OSBPL2: variants seen among roughly 807,000 people sequenced by gnomAD.
OSBPL2 encodes oxysterol binding protein like 2, also known as oxysterol-binding protein-related protein 2.
OSBPL2 carries 18 observed loss-of-function variants against 58.4 expected under a neutral mutation model. The ratio of observed to expected loss-of-function variants is 0.31; its 90% CI spans 0.21 to 0.46. The LOEUF is 0.46. Among genes scored for constraint, OSBPL2 ranks in the 20% least tolerant of loss-of-function variants. The pLI is 1.00. For synonymous variants in OSBPL2, 221 were observed against 234.1 expected (o/e 0.94, Z 0.51); for missense variants, 461 against 616.5 (o/e 0.75, Z 2.67).
intron 2 of OSBPL2, among the ~76,000 whole-genome samples, chr20:62,256,734 A>G (rs545772588): frequency 6.6e-6 from 1 of 152,372 alleles, no homozygotes; most frequent in East Asian, 1.9e-4. Flanking sequence ...CACTCAAAAA[A>G]AGAAGAAAAT....
chr20:62,287,807 T>G (rs1290727383), intron 11 of OSBPL2, among the ~76,000 whole-genome samples: 1 of 152,202 alleles, frequency 6.6e-6, no homozygotes, highest in Non-Finnish European at 1.5e-5. Flanking sequence ...TTGCGTATGT[T>G]TTTTTTCAGG....
intron 1 of OSBPL2, among the ~76,000 whole-genome samples, chr20:62,254,858 A>G (rs1265217619): frequency 6.6e-6 from 1 of 152,240 alleles, no homozygotes; most frequent in African/African-American, 2.4e-5. Context: ...ATGTAAGTTT[A>G]CTTCAGTTTA....
chr20:62,283,697 C>A (rs575128783), intron 9 of OSBPL2, among the ~76,000 whole-genome samples: 3 of 152,044 alleles, frequency 2.0e-5, no homozygotes, highest in Admixed American at 6.5e-5. Context: ...TGCCCCTTCC[C>A]GTCTCCTGCA....
At chr20:62,281,206 G>A (rs921904452) in intron 8 of OSBPL2, 41 bp downstream of exon 8, 6 of 1,439,096 alleles carry the variant, frequency 4.2e-6, no homozygotes, top group African/African-American at 1.4e-5. Context: ...CGAGGCTCCG[G>A]GTGGGGATGG....
In OSBPL2 at chr20:62,279,242, G is replaced by A. The variant is rs775466459; in HGVS notation, c.577G>A (p.Asp193Asn). The part of the protein sequence containing the change: ...SAFHSEGLNH[D>N]FLFHGSIYPK... ...GTTCCACTCGGAAGGTCTCAACCATGACTTCCTGTTCCATGGCTCCATCTA... is the reference window on the plus strand; with the variant it reads ...GTTCCACTCGGAAGGTCTCAACCATAACTTCCTGTTCCATGGCTCCATCTA... Residue 193 changes from aspartate (D) to asparagine (N), a missense_variant, in exon 7 of 14, where the codon GAC (aspartate) becomes AAC (asparagine). Around this residue, in one of 5 missense-constraint regions of OSBPL2, gnomAD observed 319 missense variants for 419.2 expected, o/e 0.76. Coordinates refer to ENST00000313733, the MANE Select transcript of OSBPL2 (RefSeq NM_144498.4). 4 of 1,614,114 alleles carry A rather than the reference G, an allele frequency of 2.5e-6. No individual in the cohort carries two copies. In the African/African-American group the frequency reaches 5.3e-5, roughly 22 times the overall value.
chr20:62,275,403 CT>C (rs113767931), intron 6 of OSBPL2, among the ~76,000 whole-genome samples: 376 of 145,004 alleles, frequency 2.6e-3, no homozygotes, highest in African/African-American at 3.1e-3. Context: ...TTTCTTGTTC[CT>C]TTTTTTTTTT....
chr20:62,279,942 G>C, intron 7 of OSBPL2: 1 of 1,303,204 alleles, frequency 7.7e-7, no homozygotes. Context: ...AACAGCGTGG[G>C]AGGGGACCCT....
intron 4 of OSBPL2, among the ~76,000 whole-genome samples, chr20:62,265,375 T>G (rs1981596449): frequency 6.6e-6 from 1 of 152,246 alleles, no homozygotes; most frequent in African/African-American, 2.4e-5. Context: ...AGAGTTCTTC[T>G]AGGTTGGTTT....
intron 1 of OSBPL2, among the ~76,000 whole-genome samples, chr20:62,240,220 T>G (rs1021464779): frequency 6.6e-6 from 1 of 152,068 alleles, no homozygotes; most frequent in Non-Finnish European, 1.5e-5. Context: ...TACCTTCCCC[T>G]TGTTGAGGAC....
chr20:62,250,188 A>C (rs1980429744), intron 1 of OSBPL2, among the ~76,000 whole-genome samples: 1 of 152,230 alleles, frequency 6.6e-6, no homozygotes, highest in African/African-American at 2.4e-5. Context: ...TGAATGAATG[A>C]GTAGGATCAT....
rs996772935 is a variant in OSBPL2 at position 62,295,641 on chromosome 20, T to C, written c.*1754T>C. 8 of 152,190 alleles carry C rather than the reference T, an allele frequency of 5.3e-5. No homozygotes were observed. The highest frequency in any genetic ancestry group is 1.0e-4 in the Non-Finnish European group (7 of 68,038). 9.4% of individuals were successfully genotyped at this position (152,190 alleles called of 1,614,324 possible). On this transcript the variant is annotated 3_prime_UTR_variant, in exon 14 of 14. Transcript: ENST00000313733. This position sits in a 1 kb window ranked among gnomAD's most constrained non-coding sequence, Gnocchi z 4.8. ...GTAGCTGGGTCTGAGGATTCAGGATTGTGGCGTTATTCAAAGAGGAGACTT... is the reference window on the plus strand; with the variant it reads ...GTAGCTGGGTCTGAGGATTCAGGATCGTGGCGTTATTCAAAGAGGAGACTT...
chr20:62,262,702 C>T (rs372219985), intron 3 of OSBPL2, among the ~76,000 whole-genome samples: 5 of 152,206 alleles, frequency 3.3e-5, no homozygotes, highest in Admixed American at 6.5e-5. Flanking sequence ...GGGCATAGCT[C>T]GGGAGCAGAG....
chr20:62,295,589 T>G lies in OSBPL2; in HGVS notation c.*1702T>G, dbSNP rs1983816906. 6.6e-6 allele frequency: 1 copy of G among 152,176 alleles called. No homozygotes were observed. The highest frequency in any genetic ancestry group is 2.4e-5 in the African/African-American group (1 of 41,442). The allele number at this position is 152,176 out of a possible 1,614,324, so 9.4% of individuals were successfully genotyped here. A position where few individuals can be genotyped will look rare whatever the true frequency, so the allele number is the denominator to read the frequency against. On this transcript the variant is annotated 3_prime_UTR_variant, in exon 14 of 14. Transcript: ENST00000313733. The surrounding 1 kb of genome is among the most constrained non-coding windows in gnomAD (Gnocchi z 4.8). Reference sequence around the variant, plus strand: ...GAGCTCCGTACCAGCCACTCAAAAGTGTCTGAACAGAACCGCTCCGTGACT... The same window carrying G: ...GAGCTCCGTACCAGCCACTCAAAAGGGTCTGAACAGAACCGCTCCGTGACT...
chr20:62,239,329 C>G (rs184217388), intron 1 of OSBPL2, among the ~76,000 whole-genome samples: 122 of 152,356 alleles, frequency 8.0e-4, no homozygotes, highest in Non-Finnish European at 1.3e-3. Context: ...TTTTGGTACT[C>G]AGAAGAATAC....
intron 9 of OSBPL2, 92 bp downstream of exon 9, chr20:62,281,971 C>T (rs1230658886): frequency 5.2e-6 from 4 of 775,178 alleles, no homozygotes; most frequent in South Asian, 2.9e-5. Flanking sequence ...CGTGTGCCTA[C>T]GTGCATGAGA....
At chr20:62,279,598 C>G in intron 7 of OSBPL2, 1 of 541,470 alleles carries the variant, frequency 1.8e-6, no homozygotes, top group Non-Finnish European at 3.3e-6. Flanking sequence ...TCCCATGTTG[C>G]TGGGGTGCAT....
intron 1 of OSBPL2, among the ~76,000 whole-genome samples, chr20:62,246,469 C>T (rs766409171): frequency 6.6e-6 from 1 of 152,148 alleles, no homozygotes; most frequent in Non-Finnish European, 1.5e-5. Flanking sequence ...GCAAAAGAAA[C>T]GAGATTGTGG....
At position 62,262,567 on chromosome 20, in the gene OSBPL2, G is replaced by A. The variant is rs577594216; in HGVS notation, c.183-1049G>A. On this transcript the variant is annotated intron_variant, in intron 3 of 13. Transcript: ENST00000313733. ...CTGGGTGCTGGCTTCCGGCAGCCCG[G>A]GCCTGGTACTCAGCAGATGTTCCTT... Among the ~76,000 whole-genome samples, 7 of 152,302 alleles carry A rather than the reference G, an allele frequency of 4.6e-5. No homozygotes were observed. In the South Asian group the frequency reaches 1.4e-3, roughly 32 times the overall value.
intron 1 of OSBPL2, among the ~76,000 whole-genome samples, chr20:62,254,289 C>T (rs1162655401): frequency 6.6e-6 from 1 of 152,236 alleles, no homozygotes; most frequent in Non-Finnish European, 1.5e-5. Context: ...CAGGCAGCTT[C>T]CTTGCTACCA....
Sources: gnomAD v4.1 joint callset for allele counts (sites outside exome capture counted in the v4.1 genomes callset) on GRCh38, gnomAD v4.1.1 for gene constraint, gnomAD v4.1.1 regional missense constraint, Gnocchi (gnomAD v3.1) non-coding constraint, MANE v1.5 for transcripts, NCBI Gene and HGNC (gene_info 2026-07-23, HGNC 2026-07-21) for gene names.